COQ8B: variants seen among roughly 807,000 people sequenced by gnomAD.
COQ8B encodes coenzyme Q8B, also known as atypical kinase COQ8B, mitochondrial.
A neutral mutation model predicts 62.0 loss-of-function variants in COQ8B; 44 were observed. The ratio of observed to expected loss-of-function variants is 0.71; its 90% CI spans 0.56 to 0.91. The LOEUF is 0.91. Among genes scored for constraint, COQ8B ranks in the 40% least tolerant of loss-of-function variants. The pLI, the probability that COQ8B is intolerant of heterozygous loss-of-function variation, is 0.00. For synonymous variants in COQ8B, 252 were observed against 289.9 expected (o/e 0.87, Z 1.33); for missense variants, 649 against 731.6 (o/e 0.89, Z 1.30).
At position 40,710,117 on chromosome 19, in the gene COQ8B, C is replaced by T. The variant is rs778476633; in HGVS notation, c.309G>A (p.Gly103=). The T allele has an allele frequency of 6.2e-7, 1 of 1,614,136 alleles. No homozygotes were observed. The highest frequency in any genetic ancestry group is 1.7e-5 in the Admixed American group (1 of 60,020). Residue 103 remains glycine, a synonymous_variant, in exon 5 of 15, where the codon GGG becomes GGA. Transcript: ENST00000324464. ...ANFGGLAVGL[G]LGVLAEMAKK... ...TAGCCATCTCGGCCAGTACTCCTAG[C>T]CCCAAGCCCACAGCCAGTCCTGGAG...
rs769957432 is a variant in COQ8B, at chr19:40,714,107, C to A, written c.249G>T (p.Lys83Asn). The change falls in exon 4 of 15, where the codon AAG becomes AAT. Residue 83 changes from lysine to asparagine, a missense_variant. By Grantham distance (94) the Lys-to-Asn change is moderately conservative. Transcript: ENST00000324464. ...PQLSDRSRERKVPASRISRLA... is the reference protein window; with the variant it reads ...PQLSDRSRERNVPASRISRLA... ...AGCGGCTGATGCGGGAGGCAGGCAC[C>A]TTGCGTTCTCGAGAGCGGTCACTCA... is the stretch of plus-strand genomic sequence containing the variant. 5.0e-6 allele frequency: 8 copies of A among 1,614,060 alleles called. No individual in the cohort carries two copies. The African/African-American group carries it at 6.7e-5, about 13-fold the overall frequency.
intron 4 of COQ8B, among the ~76,000 whole-genome samples, chr19:40,712,429 A>G (rs35034989): frequency 6.7e-6 from 1 of 150,078 alleles, no homozygotes; most frequent in African/African-American, 2.5e-5. Flanking sequence ...AAAAAAAAAA[A>G]CAACAAAAAA....
chr19:40,694,691 G>A (rs1473730657), intron 13 of COQ8B, among the ~76,000 whole-genome samples: 1 of 152,118 alleles, frequency 6.6e-6, no homozygotes, highest in African/African-American at 2.4e-5. Context: ...TGCTCTAATG[G>A]GACTGTCCCT....
At chr19:40,715,590 G>T in intron 1 of COQ8B, 1 of 985,534 alleles carries the variant, frequency 1.0e-6, no homozygotes, top group Non-Finnish European at 1.2e-6. Context: ...CCCTTGCCTT[G>T]CTTGCCAACT....
At position 40,692,354 on chromosome 19, in the gene COQ8B, ACG is replaced by A; in HGVS notation, c.1314_1315del (p.Val439GlyfsTer17). On this transcript the variant is annotated frameshift_variant, in exon 15 of 15. Coordinates refer to ENST00000324464, the MANE Select transcript of COQ8B (RefSeq NM_024876.4). LOFTEE classifies it low-confidence loss of function (END_TRUNC). Reference sequence around the variant, plus strand: ...CTCCCCCAGGATCATCACTGCCTCCACGTGGGCGTCGGAGAATGCCTGGGAGT... The same window carrying A: ...CTCCCCCAGGATCATCACTGCCTCCATGGGCGTCGGAGAATGCCTGGGAGT... The A allele has an allele frequency of 6.2e-7, 1 of 1,613,410 alleles. No homozygotes were observed.
chr19:40,694,070 A>C (rs954517205), intron 13 of COQ8B, among the ~76,000 whole-genome samples: 7 of 152,170 alleles, frequency 4.6e-5, no homozygotes, highest in Non-Finnish European at 7.4e-5. Context: ...GGGGAGAAGA[A>C]GGGTCTCAGC....
intron 9 of COQ8B, among the ~76,000 whole-genome samples, chr19:40,702,923 A>T (rs1399224789): frequency 1.4e-5 from 2 of 147,848 alleles, no homozygotes; most frequent in African/African-American, 2.7e-5. Flanking sequence ...CTCCTGCTCC[A>T]GGCCTCTGAC....
intron 1 of COQ8B, chr19:40,715,370 T>C (rs947075129): frequency 3.0e-6 from 3 of 985,524 alleles, no homozygotes; most frequent in African/African-American, 3.5e-5. Flanking sequence ...CCCTACACTT[T>C]CTTGCAAAGT....
At chr19:40,703,306 A>G (rs2082075632) in intron 9 of COQ8B, 2 of 522,456 alleles carry the variant, frequency 3.8e-6, no homozygotes, top group Non-Finnish European at 3.4e-6. Flanking sequence ...CTGCTGCTGT[A>G]TCTTGGCCCT....
intron 13 of COQ8B, among the ~76,000 whole-genome samples, chr19:40,693,307 G>A (rs1000761940): frequency 1.3e-5 from 2 of 152,170 alleles, no homozygotes; most frequent in Admixed American, 6.5e-5. Flanking sequence ...GTGAAACAGT[G>A]CAAGAAACAA....
intron 12 of COQ8B, among the ~76,000 whole-genome samples, chr19:40,698,579 G>T (rs555889901): frequency 6.6e-6 from 1 of 151,970 alleles, no homozygotes; most frequent in Non-Finnish European, 1.5e-5. Context: ...ATAAATTGAT[G>T]TCAGGACTCC....
intron 5 of COQ8B, among the ~76,000 whole-genome samples, chr19:40,706,706 CG>C (rs1481595283): frequency 3.9e-5 from 6 of 152,194 alleles, no homozygotes; most frequent in African/African-American, 1.4e-4. Context: ...GGGATCCTCC[CG>C]CCCCAGCTTC....
chr19:40,713,275 C>G (rs1040983080), intron 4 of COQ8B, among the ~76,000 whole-genome samples: 12 of 152,132 alleles, frequency 7.9e-5, no homozygotes, highest in African/African-American at 2.9e-4. Flanking sequence ...AAGGCTGAGG[C>G]AGGCGGATCA....
intron 12 of COQ8B, among the ~76,000 whole-genome samples, chr19:40,698,321 G>T (rs1266111147): frequency 1.3e-5 from 2 of 151,268 alleles, no homozygotes; most frequent in Non-Finnish European, 2.9e-5. Flanking sequence ...GGTGGATCAT[G>T]AGGTCAGGAG....
In COQ8B at chr19:40,705,088, G is replaced by A; in HGVS notation, c.576+8C>T. On this transcript the variant is annotated splice_region_variant and intron_variant, in intron 7 of 14. Transcript: ENST00000324464. ...CTCCCTCACCGCCCTCCCCCACTGG[G>A]CACTCACCAGCATCTGCCAGCGGGG... 1 of 1,600,704 alleles carries A rather than the reference G, an allele frequency of 6.2e-7. No homozygotes were observed. Among genetic ancestry groups the A allele is most frequent in the Non-Finnish European group, 8.5e-7 (1 of 1,173,814 alleles).
intron 12 of COQ8B, among the ~76,000 whole-genome samples, chr19:40,699,322 C>A (rs949178932): frequency 1.3e-5 from 2 of 152,074 alleles, no homozygotes; most frequent in Non-Finnish European, 2.9e-5. Flanking sequence ...CACAGTGAGT[C>A]AGGCACTTTC....
chr19:40,702,870 C>G (rs2082071577), intron 9 of COQ8B, among the ~76,000 whole-genome samples, 177 bp from the exon 10 acceptor site: 1 of 152,050 alleles, frequency 6.6e-6, no homozygotes, highest in Non-Finnish European at 1.5e-5. Context: ...CTGCCTCTGA[C>G]CTGCATCTGT....
chr19:40,714,261 G>C lies in COQ8B; in HGVS notation c.222+17C>G. On this transcript the variant is annotated intron_variant, in intron 3 of 14. Coordinates refer to ENST00000324464, the MANE Select transcript of COQ8B (RefSeq NM_024876.4). ...AGTATTCGTGGGGTGTTGCTGGGTG[G>C]GTGGGGGTAATGATACCTGGGGCCG... 6.2e-7 allele frequency: 1 copy of C among 1,609,228 alleles called. No individual in the cohort carries two copies. The highest frequency in any genetic ancestry group is 8.5e-7 in the Non-Finnish European group (1 of 1,177,178).
intron 13 of COQ8B, among the ~76,000 whole-genome samples, chr19:40,694,465 C>T (rs2081998190): frequency 1.3e-5 from 2 of 152,212 alleles, no homozygotes; most frequent in South Asian, 4.1e-4. Context: ...GCAGCCTCGT[C>T]ACTGTGCTGC....
Sources: gnomAD v4.1 joint callset for allele counts (sites outside exome capture counted in the v4.1 genomes callset) on GRCh38, gnomAD v4.1.1 for gene constraint, MANE v1.5 for transcripts, NCBI Gene and HGNC (gene_info 2026-07-23, HGNC 2026-07-21) for gene names.